The following DAGLA variants were observed in gnomAD, a reference collection of about 807,000 sequenced individuals.
DAGLA encodes diacylglycerol lipase-alpha.
A neutral mutation model predicts 102.6 loss-of-function variants in DAGLA; 22 were observed. That is an observed-to-expected ratio of 0.21 (90% CI 0.15 to 0.31). The LOEUF (loss-of-function observed/expected upper bound fraction) is 0.31. DAGLA is among the 10% of genes least tolerant of loss of function. The pLI is 1.00. For missense variants in DAGLA, 927 were observed against 1,446.6 expected (o/e 0.64, Z 5.83); for synonymous variants, 578 against 628.9 (o/e 0.92, Z 1.21).
At position 61,723,761 on chromosome 11, in the gene DAGLA, A is replaced by G. The variant is rs184212936; in HGVS notation, c.548+189A>G. Among the ~76,000 whole-genome samples, 21 of 152,354 alleles carry G rather than the reference A, an allele frequency of 1.4e-4. No individual in the cohort carries two copies. The East Asian group carries it at 2.1e-3, about 15-fold the overall frequency. On this transcript the variant is annotated intron_variant, in intron 5 of 19. Coordinates refer to ENST00000257215, the MANE Select transcript of DAGLA (RefSeq NM_006133.3). ...TCCTTGTCTATAAAGTGGGAATAAT[A>G]ACAATTCTTGTCTCATGTTGTTGTG... is the stretch of plus-strand genomic sequence containing the variant.
chr11:61,688,618 C>T (rs968334038), intron 1 of DAGLA, among the ~76,000 whole-genome samples: 6 of 152,184 alleles, frequency 3.9e-5, no homozygotes, highest in African/African-American at 4.8e-5. Flanking sequence ...CCACTCTGGG[C>T]GCCTGGATTT....
chr11:61,729,095 C>T lies in DAGLA; in HGVS notation c.849+87C>T, dbSNP rs1023115774. On this transcript the variant is annotated intron_variant, in intron 8 of 19. Transcript: ENST00000257215. ...CCTAAGCAAACTCCTCCCAGCTGCC[C>T]TTGCAGTGCCAGCCACATTGCCCCT... The T allele has an allele frequency of 4.4e-5, 53 of 1,212,342 alleles. No individual in the cohort carries two copies. The Middle Eastern group carries it at 7.5e-4, about 17-fold the overall frequency. 75.1% of individuals were successfully genotyped at this position (1,212,342 alleles called of 1,614,324 possible).
rs2065455338 is a variant in DAGLA at position 61,739,384 on chromosome 11, C to A, written c.1657-81C>A. The A allele has an allele frequency of 2.2e-6, 3 of 1,390,208 alleles. No homozygotes were observed. The East Asian group carries it at 7.0e-5, about 32-fold the overall frequency. The allele number at this position is 1,390,208 out of a possible 1,614,324, so 86.1% of individuals were successfully genotyped here. ...TGCCCACCTCTCACCTGCTGAGCCC[C>A]CCTTCTCGGTCCCCCTGCCCCTGCC... On this transcript the variant is annotated intron_variant, in intron 16 of 19. Coordinates refer to ENST00000257215, the MANE Select transcript of DAGLA (RefSeq NM_006133.3).
At chr11:61,742,753 TG>T in intron 19 of DAGLA, among the ~76,000 whole-genome samples, 1 of 151,992 alleles carries the variant, frequency 6.6e-6, no homozygotes. Context: ...CCTGTCTCCC[TG>T]CTGCCCTCTG....
intron 1 of DAGLA, among the ~76,000 whole-genome samples, chr11:61,695,961 C>T (rs1214834659): frequency 6.6e-6 from 1 of 152,198 alleles, no homozygotes; most frequent in Non-Finnish European, 1.5e-5. Context: ...TGACCGTTCT[C>T]CCACCTCCTT....
intron 13 of DAGLA, 130 bp downstream of exon 13, chr11:61,736,480 C>T: frequency 3.9e-6 from 3 of 765,620 alleles, no homozygotes; most frequent in Non-Finnish European, 4.4e-6. Flanking sequence ...CCTGCAATCC[C>T]TTCCAGCCTG....
intron 6 of DAGLA, among the ~76,000 whole-genome samples, chr11:61,727,257 C>A (rs931321358): frequency 6.6e-6 from 1 of 152,252 alleles, no homozygotes; most frequent in African/African-American, 2.4e-5. Flanking sequence ...TTCTGTATTT[C>A]TGAATCTGGT....
At chr11:61,688,689 A>G (rs1415053548) in intron 1 of DAGLA, among the ~76,000 whole-genome samples, 1 of 152,186 alleles carries the variant, frequency 6.6e-6, no homozygotes, top group Non-Finnish European at 1.5e-5. Flanking sequence ...CATCTCCCAC[A>G]TGCAGCCTAA....
At chr11:61,730,940 A>G (rs2065368532) in intron 8 of DAGLA, among the ~76,000 whole-genome samples, 1 of 152,196 alleles carries the variant, frequency 6.6e-6, no homozygotes, top group Non-Finnish European at 1.5e-5. Flanking sequence ...CCCAGCATCA[A>G]GGGCCCTTCT....
In DAGLA at chr11:61,731,336, A is replaced by G; in HGVS notation, c.869A>G (p.Lys290Arg). ...LKNSQEMLRY[K>R]EVCYYMLFAL... The stretch of plus-strand genomic sequence containing the variant: ...TTCTAGCAAGAGATGCTCCGCTACA[A>G]AGAGGTCTGCTACTACATGCTCTTT... The change falls in exon 9 of 20, where the codon AAA becomes AGA. Residue 290 changes from lysine to arginine, a missense_variant. Physicochemically the swap from Lys to Arg is conservative, Grantham distance 26. Transcript: ENST00000257215. 2 of 1,613,960 alleles carry G rather than the reference A, an allele frequency of 1.2e-6. No homozygotes were observed. Among genetic ancestry groups the G allele is most frequent in the Non-Finnish European group, 1.7e-6 (2 of 1,179,954 alleles).
intron 1 of DAGLA, among the ~76,000 whole-genome samples, chr11:61,718,997 A>G (rs1277379029): frequency 2.0e-5 from 3 of 152,198 alleles, no homozygotes; most frequent in African/African-American, 7.2e-5. Flanking sequence ...GCCCCGGACC[A>G]GGTGCCATGT....
intron 1 of DAGLA, among the ~76,000 whole-genome samples, chr11:61,691,831 A>G (rs963935510): frequency 6.6e-6 from 1 of 152,194 alleles, no homozygotes. Context: ...GTCCTTAACC[A>G]GGTCCTTTCA....
intron 8 of DAGLA, 22 bp downstream of exon 8, chr11:61,729,030 AC>A: frequency 9.4e-6 from 15 of 1,604,046 alleles, no homozygotes; most frequent in Non-Finnish European, 1.3e-5. Flanking sequence ...ATCAACTCTC[AC>A]CCCACCCCGT....
At position 61,737,907 on chromosome 11, in the gene DAGLA, G is replaced by A; in HGVS notation, c.1583+152G>A. ...TCCCCACCCTTAGTTGCCCAGTGGTGAGAAGCCCAGGTGAACGCACGTGCT... is the reference window on the plus strand; with the variant it reads ...TCCCCACCCTTAGTTGCCCAGTGGTAAGAAGCCCAGGTGAACGCACGTGCT... On this transcript the variant is annotated intron_variant, in intron 15 of 19. Coordinates refer to ENST00000257215, the MANE Select transcript of DAGLA (RefSeq NM_006133.3). The A allele has an allele frequency of 9.0e-6, 7 of 776,674 alleles. No individual in the cohort carries two copies. The South Asian group carries it at 1.1e-4, about 13-fold the overall frequency. The allele number at this position is 776,674 out of a possible 1,614,324, so 48.1% of individuals were successfully genotyped here. A position where few individuals can be genotyped will look rare whatever the true frequency, so the allele number is the denominator to read the frequency against.
In DAGLA at chr11:61,681,760, G is replaced by C. The variant is rs78108622; in HGVS notation, c.-45+1256G>C. Among the ~76,000 whole-genome samples, 14 of 152,242 alleles carry C rather than the reference G, an allele frequency of 9.2e-5. No individual in the cohort carries two copies. In the East Asian group the frequency reaches 2.7e-3, roughly 29 times the overall value. On this transcript the variant is annotated intron_variant, in intron 1 of 19. Coordinates refer to ENST00000257215, the MANE Select transcript of DAGLA (RefSeq NM_006133.3). ...TCCAAGGGCTCTGTCTGTCCTCTCT[G>C]CTTAGCTCCTATGTTAAAACCCCTC...
rs1028150986 is a variant in DAGLA at position 61,745,177 on chromosome 11, T to G, written c.*688T>G. ...CCGCCCCTTCTCTGCCTTGTGCCTC[T>G]CATGCTGCCTCCTCTGCCCATGGGT... On this transcript the variant is annotated 3_prime_UTR_variant, in exon 20 of 20. Transcript: ENST00000257215. 5 of 152,940 alleles carry G rather than the reference T, an allele frequency of 3.3e-5. No homozygotes were observed. The highest frequency in any genetic ancestry group is 7.2e-5 in the African/African-American group (3 of 41,388). The allele number at this position is 152,940 out of a possible 1,614,324, so 9.5% of individuals were successfully genotyped here. A position where few individuals can be genotyped will look rare whatever the true frequency, so the allele number is the denominator to read the frequency against.
At chr11:61,688,331 A>AG (rs1260212741) in intron 1 of DAGLA, among the ~76,000 whole-genome samples, 6 of 151,744 alleles carry the variant, frequency 4.0e-5, no homozygotes, top group African/African-American at 1.5e-4. Context: ...AAAAAAAAAA[A>AG]AAGGATTAGG....
rs144557106 is a variant in DAGLA at position 61,743,997 on chromosome 11, G to A, written c.2637G>A (p.Glu879=). Reference sequence around the variant, plus strand: ...CCAGTGCTGCGGCCAATGACGAGGAGGAAGAGGTTGGCGGTGGGGGTGGCG... The same window carrying A: ...CCAGTGCTGCGGCCAATGACGAGGAAGAAGAGGTTGGCGGTGGGGGTGGCG... ...RPPSAAANDE[E]EEVGGGGGGP... The change falls in exon 20 of 20, where the codon GAG becomes GAA. Residue 879 remains glutamate, a synonymous_variant. Coordinates refer to ENST00000257215, the MANE Select transcript of DAGLA (RefSeq NM_006133.3). 5.6e-4 allele frequency: 907 copies of A among 1,612,064 alleles called. 5 individuals are homozygous for A. In the African/African-American group the frequency reaches 9.8e-3, roughly 17 times the overall value.
chr11:61,722,892 T>G lies in DAGLA; in HGVS notation c.341T>G (p.Val114Gly). 2 of 1,614,162 alleles carry G rather than the reference T, an allele frequency of 1.2e-6. No homozygotes were observed. The highest frequency in any genetic ancestry group is 1.7e-6 in the Non-Finnish European group (2 of 1,180,020). The change falls in exon 4 of 20, where the codon GTG becomes GGG. Residue 114 changes from valine (V) to glycine (G), a missense_variant. Around this residue, in one of 4 missense-constraint regions of DAGLA, gnomAD observed 231 missense variants for 439.8 expected, o/e 0.53. Transcript: ENST00000257215. ...GTGATCGAGTTCATCTACGCCATCGTGGGCATCGTCTGGCTCACTCAGTAC... is the reference window on the plus strand; with the variant it reads ...GTGATCGAGTTCATCTACGCCATCGGGGGCATCGTCTGGCTCACTCAGTAC... ...ILVIEFIYAIVGIVWLTQYYT... is the reference protein window; with the variant it reads ...ILVIEFIYAIGGIVWLTQYYT...
Sources: allele counts gnomAD v4.1 joint callset (sites outside exome capture counted in the v4.1 genomes callset), GRCh38; gene constraint gnomAD v4.1.1; regional missense constraint gnomAD v4.1.1; transcripts MANE v1.5; gene names NCBI Gene and HGNC (gene_info 2026-07-23, HGNC 2026-07-21).